The following ADGRL3 variants were observed in gnomAD, a reference collection of about 807,000 sequenced individuals.
The protein encoded by ADGRL3 is adhesion G protein-coupled receptor L3.
In ADGRL3, 62 loss-of-function variants were observed where a neutral mutation model predicts 153.5. That is an observed-to-expected ratio of 0.40 (90% CI 0.33 to 0.50). The LOEUF (loss-of-function observed/expected upper bound fraction) is 0.50, where lower values mean the gene tolerates loss of function less well. Ranked by LOEUF, ADGRL3 falls within the 20% of genes least tolerant of loss-of-function variation. The pLI is 0.47. For missense variants in ADGRL3, 1,641 were observed against 1,859.4 expected (o/e 0.88, Z 2.16); for synonymous variants, 710 against 672.5 (o/e 1.06, Z -0.86).
intron 1 of ADGRL3, among the ~76,000 whole-genome samples, chr4:61,287,024 G>T (rs141273748): frequency 6.6e-6 from 1 of 151,612 alleles, no homozygotes; most frequent in African/African-American, 2.4e-5. Flanking sequence ...AGCTTTCACT[G>T]ACTCATGTTT....
At chr4:61,986,183 A>G (rs923044928) in intron 19 of ADGRL3, among the ~76,000 whole-genome samples, 1 of 152,024 alleles carries the variant, frequency 6.6e-6, no homozygotes, top group Non-Finnish European at 1.5e-5. Context: ...GGGACTTTAC[A>G]TTTTTCTCAA....
chr4:61,876,908 TAAA>T (rs33929278), intron 9 of ADGRL3, among the ~76,000 whole-genome samples: 3,163 of 135,570 alleles, frequency 0.023, 161 homozygotes, highest in Admixed American at 0.11. Context: ...GCTTTCACTT[TAAA>T]AAAAAAAAAA....
In ADGRL3 at chr4:61,366,229, G is replaced by A. The variant is rs148498732; in HGVS notation, c.-239-16895G>A. Among the ~76,000 whole-genome samples, 831 of 152,242 alleles carry A rather than the reference G, an allele frequency of 5.5e-3. 8 individuals are homozygous for A. The highest frequency in any genetic ancestry group is 0.019 in the African/African-American group (788 of 41,556). On this transcript the variant is annotated intron_variant, in intron 1 of 26. Transcript: ENST00000683033. ...ATACAGCCACCAGAGCTGCTGAAAA[G>A]GTTCTAGATTTCTATAAAGCCATGA... is the stretch of plus-strand genomic sequence containing the variant.
At chr4:61,649,532 T>G (rs1468128285) in intron 5 of ADGRL3, among the ~76,000 whole-genome samples, 1 of 152,168 alleles carries the variant, frequency 6.6e-6, no homozygotes, top group East Asian at 1.9e-4. Context: ...ACAGTTTATG[T>G]ATTTTGTAGA....
At chr4:61,623,342 T>G (rs2092646293) in intron 5 of ADGRL3, among the ~76,000 whole-genome samples, 1 of 152,100 alleles carries the variant, frequency 6.6e-6, no homozygotes, top group African/African-American at 2.4e-5. Context: ...TCAGTGTGCT[T>G]TGGTTCTTTC....
At chr4:62,035,196 G>A (rs1724322779) in intron 23 of ADGRL3, among the ~76,000 whole-genome samples, 1 of 151,916 alleles carries the variant, frequency 6.6e-6, no homozygotes, top group South Asian at 2.1e-4. Context: ...AGTAAGTAAT[G>A]TAGCTAATGC....
At chr4:61,692,050 T>C (rs1330313228) in intron 6 of ADGRL3, among the ~76,000 whole-genome samples, 1 of 152,176 alleles carries the variant, frequency 6.6e-6, no homozygotes, top group Non-Finnish European at 1.5e-5. Context: ...ATGACTCTCC[T>C]ACTCGATTTT....
intron 1 of ADGRL3, among the ~76,000 whole-genome samples, chr4:61,363,920 G>A (rs1477980174): frequency 1.3e-5 from 2 of 152,004 alleles, no homozygotes; most frequent in African/African-American, 2.4e-5. Context: ...CACCTTTTGG[G>A]TTGTTTACTG....
At position 61,993,164 on chromosome 4, in the gene ADGRL3, TTG is replaced by T. The variant is rs3065140; in HGVS notation, c.3237-3091_3237-3090del. On this transcript the variant is annotated intron_variant, in intron 19 of 26. Coordinates refer to ENST00000683033, the MANE Select transcript of ADGRL3 (RefSeq NM_001387552.1). ...TTTCAGCAGCATTCATGGGCTGCAG[TTG>T]TGTGTGTGTGTGTGTGTGTGTGTGT... Among the ~76,000 whole-genome samples the T allele has an allele frequency of 3.6e-3, 496 of 138,486 alleles. 5 individuals are homozygous for T. The highest frequency in any genetic ancestry group is 0.011 in the African/African-American group (413 of 37,254). The allele number at this position is 138,486 out of a possible 152,430, so 90.9% of individuals were successfully genotyped here.
At chr4:61,225,654 AT>A (rs1340926360) in intron 1 of ADGRL3, among the ~76,000 whole-genome samples, 1 of 152,220 alleles carries the variant, frequency 6.6e-6, no homozygotes, top group Non-Finnish European at 1.5e-5. Context: ...AGATTAATGT[AT>A]ATTAACAGGC....
At chr4:61,419,728 A>T (rs1417783038) in intron 2 of ADGRL3, among the ~76,000 whole-genome samples, 4 of 152,246 alleles carry the variant, frequency 2.6e-5, no homozygotes, top group South Asian at 2.1e-4. Context: ...TTTTTTAAAA[A>T]TTTTGATTGT....
chr4:61,839,217 C>G (rs1175579733), intron 9 of ADGRL3, among the ~76,000 whole-genome samples: 1 of 151,820 alleles, frequency 6.6e-6, no homozygotes, highest in Non-Finnish European at 1.5e-5. Context: ...TGAGATGGAG[C>G]CTTACTCTGT....
In ADGRL3 at chr4:62,033,733, A is replaced by G. The variant is rs540902979; in HGVS notation, c.3591+2123A>G. 4.0e-4 allele frequency among the ~76,000 whole-genome samples: 61 copies of G among 151,948 alleles called. No homozygotes were observed. In the South Asian group the frequency reaches 0.012, roughly 29 times the overall value. On this transcript the variant is annotated intron_variant, in intron 23 of 26. Coordinates refer to ENST00000683033, the MANE Select transcript of ADGRL3 (RefSeq NM_001387552.1). ...CAGTCATAACATACTGAAGTATAGT[A>G]GATTTATTTGCCTGTCGTCTTTATT...
At chr4:61,939,867 C>A (rs950666676) in intron 15 of ADGRL3, among the ~76,000 whole-genome samples, 1 of 152,104 alleles carries the variant, frequency 6.6e-6, no homozygotes, top group African/African-American at 2.4e-5. Flanking sequence ...TTAAGACTCA[C>A]TGATGATGTT....
chr4:61,321,303 G>A (rs2150756722), intron 1 of ADGRL3, among the ~76,000 whole-genome samples: 1 of 152,204 alleles, frequency 6.6e-6, no homozygotes, highest in African/African-American at 2.4e-5. Flanking sequence ...GATCACCTAA[G>A]TTGGTAGTCC....
intron 22 of ADGRL3, 105 bp downstream of exon 22, chr4:62,028,986 T>C (rs1720458550): frequency 2.0e-6 from 2 of 987,626 alleles, no homozygotes; most frequent in Admixed American, 2.4e-5. Flanking sequence ...GTCATTCACG[T>C]AGAGGCAGAA....
At chr4:61,752,709 G>GA (rs1233394817) in intron 8 of ADGRL3, among the ~76,000 whole-genome samples, 2 of 152,142 alleles carry the variant, frequency 1.3e-5, no homozygotes, top group African/African-American at 4.8e-5. Context: ...GAGGTAGGTG[G>GA]ATTGCTTGAG....
intron 8 of ADGRL3, among the ~76,000 whole-genome samples, chr4:61,778,236 A>G (rs1042761679): frequency 6.6e-6 from 1 of 152,222 alleles, no homozygotes; most frequent in Non-Finnish European, 1.5e-5. Flanking sequence ...GATATCTCAA[A>G]TATGTATTTA....
intron 1 of ADGRL3, among the ~76,000 whole-genome samples, chr4:61,343,601 G>A (rs1358591858): frequency 6.6e-6 from 1 of 152,016 alleles, no homozygotes; most frequent in Non-Finnish European, 1.5e-5. Flanking sequence ...TTGGACTAGG[G>A]CATCATATTC....
Sources: gnomAD v4.1 joint callset for allele counts (sites outside exome capture counted in the v4.1 genomes callset) on GRCh38, gnomAD v4.1.1 for gene constraint, MANE v1.5 for transcripts, NCBI Gene and HGNC (gene_info 2026-07-23, HGNC 2026-07-21) for gene names.